The following XNDC1N variants were observed in gnomAD, a reference collection of about 807,000 sequenced individuals.
XNDC1N encodes the protein protein XNDC1N.
chr11:71,900,982 C>T, the XNDC1N span, among the ~76,000 whole-genome samples: 1 of 152,182 alleles, frequency 6.6e-6, no homozygotes, highest in Non-Finnish European at 1.5e-5. Flanking sequence ...ATCCTCGTCA[C>T]TCAGGCGGAT....
At chr11:71,897,065 T>G in the XNDC1N span, among the ~76,000 whole-genome samples, 78 of 151,230 alleles carry the variant, frequency 5.2e-4, no homozygotes, top group African/African-American at 1.8e-3. Context: ...TCACACCAGG[T>G]GCAAAAATTA....
chr11:71,882,567 T>C, the XNDC1N span, among the ~76,000 whole-genome samples: 1 of 152,208 alleles, frequency 6.6e-6, no homozygotes, highest in African/African-American at 2.4e-5. Context: ...ATAATTTTCT[T>C]AGGTAACCAA....
At chr11:71,928,049 A>G in the XNDC1N span, 1 of 166,714 alleles carries the variant, frequency 6.0e-6, no homozygotes, top group Non-Finnish European at 1.3e-5. Context: ...CTGAAAAATC[A>G]GTTATGAAGG....
chr11:71,893,757 C>T, the XNDC1N span: 2 of 1,143,374 alleles, frequency 1.7e-6, no homozygotes, highest in Non-Finnish European at 2.4e-6. Flanking sequence ...CTCATGCGGA[C>T]TGCCTGACAC....
At chr11:71,885,013 G>A in the XNDC1N span, among the ~76,000 whole-genome samples, 2 of 151,974 alleles carry the variant, frequency 1.3e-5, no homozygotes, top group African/African-American at 2.4e-5. Context: ...TAGGATCCGC[G>A]GTGGATACAC....
the XNDC1N span, chr11:71,916,684 A>G: frequency 1.2e-5 from 2 of 172,438 alleles, no homozygotes; most frequent in African/African-American, 4.7e-5. Context: ...TCACATTCCG[A>G]TATCACCAAC....
At chr11:71,902,287 G>T in the XNDC1N span, among the ~76,000 whole-genome samples, 4,172 of 152,252 alleles carry the variant, frequency 0.027, no homozygotes, top group East Asian at 0.074. Flanking sequence ...TGCCTCCCAG[G>T]TTCAAGCCAT....
chr11:71,880,798 T>C, the XNDC1N span, among the ~76,000 whole-genome samples: 1 of 152,250 alleles, frequency 6.6e-6, no homozygotes, highest in African/African-American at 2.4e-5. Flanking sequence ...TGTTGTTTAA[T>C]TTCCATGTTA....
chr11:71,899,633 A>T, the XNDC1N span, among the ~76,000 whole-genome samples: 1 of 152,218 alleles, frequency 6.6e-6, no homozygotes, highest in African/African-American at 2.4e-5. Context: ...GGTAAAAGTC[A>T]TCGCCATTCT....
the XNDC1N span, among the ~76,000 whole-genome samples, chr11:71,912,467 T>A: frequency 6.6e-6 from 1 of 152,132 alleles, no homozygotes; most frequent in Non-Finnish European, 1.5e-5. Flanking sequence ...GTTTCCTACG[T>A]TGTTGCGAGT....
At chr11:71,915,293 A>G in the XNDC1N span, among the ~76,000 whole-genome samples, 1 of 151,988 alleles carries the variant, frequency 6.6e-6, no homozygotes, top group Non-Finnish European at 1.5e-5. Context: ...CTAAAAATAC[A>G]AAAAATTAGC....
At chr11:71,895,388 C>A in the XNDC1N span, among the ~76,000 whole-genome samples, 4 of 151,806 alleles carry the variant, frequency 2.6e-5, no homozygotes, top group African/African-American at 9.7e-5. Context: ...CGGCTCACTG[C>A]AACTTCTGCC....
chr11:71,911,493 G>T, the XNDC1N span, among the ~76,000 whole-genome samples: 1 of 152,128 alleles, frequency 6.6e-6, no homozygotes, highest in East Asian at 1.9e-4. Context: ...GAGGTGCAGG[G>T]TATGCAGTGA....
At chr11:71,895,614 A>G in the XNDC1N span, among the ~76,000 whole-genome samples, 1 of 151,984 alleles carries the variant, frequency 6.6e-6, no homozygotes, top group Non-Finnish European at 1.5e-5. Context: ...GGCATGCGCG[A>G]CCGCGCCCAG....
the XNDC1N span, among the ~76,000 whole-genome samples, chr11:71,922,420 T>C: frequency 6.6e-6 from 1 of 152,266 alleles, no homozygotes; most frequent in East Asian, 1.9e-4. Context: ...TCTCCCATCA[T>C]GGCTTCCTGA....
chr11:71,883,162 T>C, the XNDC1N span, among the ~76,000 whole-genome samples: 4 of 152,178 alleles, frequency 2.6e-5, no homozygotes, highest in African/African-American at 7.2e-5. Flanking sequence ...AAAATATCCA[T>C]ACTATTCAAA....
the XNDC1N span, among the ~76,000 whole-genome samples, chr11:71,869,704 G>A: frequency 2.0e-4 from 31 of 152,034 alleles, no homozygotes; most frequent in Non-Finnish European, 3.8e-4. Flanking sequence ...CCTGAATCTC[G>A]ATGATCTTCA....
the XNDC1N span, chr11:71,919,092 A>AT: frequency 4.4e-6 from 3 of 689,294 alleles, no homozygotes; most frequent in Admixed American, 6.1e-5. Flanking sequence ...ATGCCCATGA[A>AT]TGAGGGATCG....
the XNDC1N span, among the ~76,000 whole-genome samples, chr11:71,908,059 T>C: frequency 1.3e-5 from 2 of 152,200 alleles, no homozygotes; most frequent in African/African-American, 4.8e-5. Context: ...TAGAACGTAA[T>C]ATCATGCTCT....
Sources: allele counts gnomAD v4.1 joint callset (sites outside exome capture counted in the v4.1 genomes callset), GRCh38; gene constraint gnomAD v4.1.1; transcripts MANE v1.5; gene names NCBI Gene and HGNC (gene_info 2026-07-23, HGNC 2026-07-21).